C13orf46: variants seen among roughly 807,000 people sequenced by gnomAD.
The protein encoded by C13orf46 is uncharacterized protein C13orf46.
chr13:113,938,418 A>T, the C13orf46 span, among the ~76,000 whole-genome samples: 2 of 152,214 alleles, frequency 1.3e-5, no homozygotes, highest in East Asian at 1.9e-4. Context: ...CTCAGCCTCC[A>T]GAGACGGCAG....
chr13:113,929,324 G>A, the C13orf46 span, among the ~76,000 whole-genome samples: 2 of 152,242 alleles, frequency 1.3e-5, no homozygotes, highest in African/African-American at 2.4e-5. Flanking sequence ...GTGGCTGCTG[G>A]TGGTAAAGCC....
At chr13:113,928,539 C>T in the C13orf46 span, 2 of 135,286 alleles carry the variant, frequency 1.5e-5, no homozygotes, top group East Asian at 2.0e-4. Context: ...ACTGCAAGGG[C>T]CGCCGCCACC....
chr13:113,935,783 C>T, the C13orf46 span, among the ~76,000 whole-genome samples: 13 of 152,184 alleles, frequency 8.5e-5, no homozygotes, highest in Admixed American at 1.3e-4. Context: ...CGCCAGCCAC[C>T]GGCAAAATAC....
At chr13:113,938,365 C>A in the C13orf46 span, among the ~76,000 whole-genome samples, 1 of 152,142 alleles carries the variant, frequency 6.6e-6, no homozygotes, top group Non-Finnish European at 1.5e-5. Flanking sequence ...GTGCTGAAGG[C>A]AGGGCTGGCA....
chr13:113,932,604 T>C, the C13orf46 span, among the ~76,000 whole-genome samples: 2 of 152,262 alleles, frequency 1.3e-5, no homozygotes, highest in African/African-American at 4.8e-5. Flanking sequence ...GAAAGGCTTC[T>C]TGACATGTTT....
At chr13:113,957,797 CCCT>C (rs2052552163) in intron 6 of C13orf46, among the ~76,000 whole-genome samples, 1 of 148,358 alleles carries the variant, frequency 6.7e-6, no homozygotes, top group Non-Finnish European at 1.5e-5. Flanking sequence ...TGCCTGCACC[CCCT>C]TTCATCAAGC....
In C13orf46 at chr13:113,955,430, G is replaced by GA. The variant is rs2052518495; in HGVS notation, c.*1342_*1343insT. 6.0e-6 allele frequency: 1 copy of GA among 166,464 alleles called. No individual in the cohort carries two copies. The allele number at this position is 166,464 out of a possible 1,614,324, so 10.3% of individuals were successfully genotyped here. ...CCGGCGGTGACGAGGAGCATCCGGCGGAGATGAGGAGCATCCGGTGGAGAG... is the reference window on the plus strand; with the variant it reads ...CCGGCGGTGACGAGGAGCATCCGGCGAGAGATGAGGAGCATCCGGTGGAGAG... On this transcript the variant is annotated 3_prime_UTR_variant, in exon 7 of 7. Coordinates refer to ENST00000636427, the MANE Select transcript of C13orf46 (RefSeq NM_001365455.2).
the C13orf46 span, among the ~76,000 whole-genome samples, chr13:113,935,217 C>T: frequency 6.6e-6 from 1 of 152,236 alleles, no homozygotes; most frequent in Non-Finnish European, 1.5e-5. Flanking sequence ...GGGCTTGGTC[C>T]CTGCGGCTGT....
At chr13:113,941,695 G>A in the C13orf46 span, among the ~76,000 whole-genome samples, 1 of 152,176 alleles carries the variant, frequency 6.6e-6, no homozygotes, top group South Asian at 2.1e-4. Flanking sequence ...AGCCTCGCAG[G>A]TGGCCTTCAG....
At chr13:113,964,224 T>G (rs1455387692) in intron 6 of C13orf46, among the ~76,000 whole-genome samples, 1 of 152,198 alleles carries the variant, frequency 6.6e-6, no homozygotes, top group Non-Finnish European at 1.5e-5. Flanking sequence ...ACTGATAAAC[T>G]GTTAATTCTG....
the C13orf46 span, among the ~76,000 whole-genome samples, chr13:113,932,729 T>C: frequency 1.9e-4 from 29 of 152,374 alleles, no homozygotes; most frequent in East Asian, 3.5e-3. Context: ...ATTTAGCTTA[T>C]TGGTTTTTTC....
At chr13:113,937,630 C>T in the C13orf46 span, among the ~76,000 whole-genome samples, 3 of 152,094 alleles carry the variant, frequency 2.0e-5, no homozygotes, top group East Asian at 1.9e-4. Flanking sequence ...CTGAGGTGGT[C>T]GGCGCAGAGT....
chr13:113,927,404 C>A, the C13orf46 span: 2 of 396,664 alleles, frequency 5.0e-6, no homozygotes, highest in East Asian at 3.6e-5. Flanking sequence ...ACACCTCCCC[C>A]CTCTCCACCC....
At chr13:113,934,889 G>T in the C13orf46 span, among the ~76,000 whole-genome samples, 1 of 152,262 alleles carries the variant, frequency 6.6e-6, no homozygotes, top group Admixed American at 6.5e-5. Flanking sequence ...CTGAAGAGAA[G>T]CAAGTTCTAA....
At chr13:113,971,391 C>A (rs373201397) in intron 1 of C13orf46, among the ~76,000 whole-genome samples, 1 of 152,204 alleles carries the variant, frequency 6.6e-6, no homozygotes. Flanking sequence ...GACCAATGGC[C>A]GACCACGAGG....
the C13orf46 span, among the ~76,000 whole-genome samples, chr13:113,944,506 T>TGGGCCCTCCAGGTGTGTGAC: frequency 2.0e-5 from 3 of 152,186 alleles, no homozygotes; most frequent in South Asian, 6.2e-4. Context: ...AGGTGTGTGA[T>TGGGCCCTCCAGGTGTGTGAC]GGGCCCTCCA....
At chr13:113,969,769 C>T (rs1214284388) in intron 2 of C13orf46, among the ~76,000 whole-genome samples, 1 of 152,090 alleles carries the variant, frequency 6.6e-6, no homozygotes, top group African/African-American at 2.4e-5. Context: ...TGTCCAGGGC[C>T]CCACGCCCTC....
chr13:113,961,127 G>A (rs978434672), intron 6 of C13orf46, among the ~76,000 whole-genome samples: 2 of 152,070 alleles, frequency 1.3e-5, no homozygotes, highest in Non-Finnish European at 2.9e-5. Flanking sequence ...ATCTTTTGCA[G>A]GTTTCCACAG....
At chr13:113,966,395 T>C (rs1452087160) in intron 5 of C13orf46, among the ~76,000 whole-genome samples, 2 of 148,084 alleles carry the variant, frequency 1.4e-5, no homozygotes, top group Non-Finnish European at 3.0e-5. Context: ...GGTGATGGTA[T>C]TAATGATGGT....
Sources: gnomAD v4.1 joint callset for allele counts (sites outside exome capture counted in the v4.1 genomes callset) on GRCh38, gnomAD v4.1.1 for gene constraint, MANE v1.5 for transcripts, NCBI Gene and HGNC (gene_info 2026-07-23, HGNC 2026-07-21) for gene names.